STARD4: variants seen among roughly 807,000 people sequenced by gnomAD.
STARD4 encodes stAR-related lipid transfer protein 4.
A neutral mutation model predicts 24.9 loss-of-function variants in STARD4; 33 were observed. The ratio of observed to expected loss-of-function variants is 1.32; its 90% confidence interval spans 1.00 to 1.77. The LOEUF is 1.77. Ranked by LOEUF, STARD4 falls within the 40% of genes most tolerant of loss-of-function variation. The pLI is 0.00. For missense variants in STARD4, 238 were observed against 249.3 expected (o/e 0.95, Z 0.31); for synonymous variants, 88 against 77.4 (o/e 1.14, Z -0.72).
chr5:111,510,251 T>C (rs1454472869), intron 1 of STARD4, among the ~76,000 whole-genome samples: 1 of 152,202 alleles, frequency 6.6e-6, no homozygotes, highest in East Asian at 1.9e-4. Context: ...TTTCTCAAAA[T>C]ATTAATATAT....
intron 3 of STARD4, among the ~76,000 whole-genome samples, chr5:111,503,474 C>G (rs559166085): frequency 2.0e-5 from 3 of 152,076 alleles, no homozygotes; most frequent in South Asian, 4.2e-4. Context: ...ACTAAAAATA[C>G]AAAAATTAGC....
chr5:111,500,166 T>C (rs1756328476), intron 5 of STARD4, 60 bp from the exon 6 acceptor site: 2 of 1,450,730 alleles, frequency 1.4e-6, no homozygotes, highest in Admixed American at 5.0e-5. Flanking sequence ...AAACTCTCAT[T>C]TTAAAATATT....
In STARD4 at chr5:111,498,180, A is replaced by G. The variant is rs1017510217; in HGVS notation, c.*1706T>C. On this transcript the variant is annotated 3_prime_UTR_variant, in exon 6 of 6. Transcript: ENST00000296632. Reference sequence around the variant, plus strand: ...CTGCACATACATTTTAGGTGATTCAAACATAATTTTTAAATTCATCATTCT... The same window carrying G: ...CTGCACATACATTTTAGGTGATTCAGACATAATTTTTAAATTCATCATTCT... The G allele has an allele frequency of 2.6e-5, 4 of 152,014 alleles. No homozygotes were observed. Among genetic ancestry groups the G allele is most frequent in the Admixed American group, 1.3e-4 (2 of 15,234 alleles). 9.4% of individuals were successfully genotyped at this position (152,014 alleles called of 1,614,324 possible). A position where few individuals can be genotyped will look rare whatever the true frequency, so the allele number is the denominator to read the frequency against.
Position 111,507,422 on chromosome 5 carries a change from C to A in STARD4, c.12G>T (p.Leu4=), listed in dbSNP as rs1756946617. The change falls in exon 2 of 6, where the codon CTG becomes CTT. Residue 4 remains leucine (L), a synonymous_variant. Transcript: ENST00000296632. This position sits in a 1 kb window ranked among gnomAD's most constrained non-coding sequence, Gnocchi z 4.4. MEG[L]SDVASFATKL... ...TAGTTGCAAAAGAAGCAACATCAGA[C>A]AGGCCTTCCATTACTTCTCTCTGTT... 1.2e-6 allele frequency: 2 copies of A among 1,613,272 alleles called. No homozygotes were observed. The highest frequency in any genetic ancestry group is 2.7e-5 in the African/African-American group (2 of 74,908).
intron 1 of STARD4, among the ~76,000 whole-genome samples, chr5:111,509,861 T>C (rs1757120358): frequency 6.6e-6 from 1 of 152,174 alleles, no homozygotes; most frequent in Non-Finnish European, 1.5e-5. Context: ...AAACACCATT[T>C]CTCAAGAAGG....
chr5:111,507,016 C>G lies in STARD4; in HGVS notation c.105+313G>C, dbSNP rs1158610164. Among the ~76,000 whole-genome samples, 2 of 152,124 alleles carry G rather than the reference C, an allele frequency of 1.3e-5. No homozygotes were observed. Among genetic ancestry groups the G allele is most frequent in the African/African-American group, 4.8e-5 (2 of 41,430 alleles). ...TGAAACTATTCCAAACTCTCAAGTA[C>G]TACACTTTCTTAAATTAATAATGAT... is the stretch of plus-strand genomic sequence containing the variant. On this transcript the variant is annotated intron_variant, in intron 2 of 5. Coordinates refer to ENST00000296632, the MANE Select transcript of STARD4 (RefSeq NM_139164.3). The surrounding 1 kb of genome is among the most constrained non-coding windows in gnomAD (Gnocchi z 4.4).
chr5:111,508,933 T>G (rs1757052497), intron 1 of STARD4, among the ~76,000 whole-genome samples: 1 of 152,164 alleles, frequency 6.6e-6, no homozygotes, highest in Admixed American at 6.5e-5. Flanking sequence ...ACTAAAATTA[T>G]GTAGAAACAT....
intron 3 of STARD4, among the ~76,000 whole-genome samples, chr5:111,503,114 G>A (rs1023716897): frequency 6.6e-6 from 1 of 152,080 alleles, no homozygotes; most frequent in Non-Finnish European, 1.5e-5. Context: ...ATTAGGAACA[G>A]AGAAATAGGC....
In STARD4 at chr5:111,507,291, A is replaced by G; in HGVS notation, c.105+38T>C. 3 of 1,535,384 alleles carry G rather than the reference A, an allele frequency of 2.0e-6. No individual in the cohort carries two copies. The highest frequency in any genetic ancestry group is 2.7e-6 in the Non-Finnish European group (3 of 1,116,202). On this transcript the variant is annotated intron_variant, in intron 2 of 5. Coordinates refer to ENST00000296632, the MANE Select transcript of STARD4 (RefSeq NM_139164.3). The surrounding 1 kb of genome is among the most constrained non-coding windows in gnomAD (Gnocchi z 4.4). Reference sequence around the variant, plus strand: ...AGTCATCAACCAATTCATTAGATAGAAGATATACCCCAAATATAAGTAATT... The same window carrying G: ...AGTCATCAACCAATTCATTAGATAGGAGATATACCCCAAATATAAGTAATT...
chr5:111,500,456 A>G, intron 5 of STARD4: 2 of 1,057,832 alleles, frequency 1.9e-6, no homozygotes, highest in Non-Finnish European at 2.3e-6. Context: ...CTACCATATT[A>G]TAGTTTGGTA....
In STARD4 at chr5:111,496,213, C is replaced by A. The variant is rs1226224423; in HGVS notation, c.*3673G>T. ...CTATACTATAGCTTTTATTGAACTG[C>A]AAGAGATGAATTTTAATATTTAACT... On this transcript the variant is annotated 3_prime_UTR_variant, in exon 6 of 6. Coordinates refer to ENST00000296632, the MANE Select transcript of STARD4 (RefSeq NM_139164.3). 6.6e-6 allele frequency: 1 copy of A among 151,884 alleles called. No individual in the cohort carries two copies. The highest frequency in any genetic ancestry group is 1.5e-5 in the Non-Finnish European group (1 of 67,934). 9.4% of individuals were successfully genotyped at this position (151,884 alleles called of 1,614,324 possible).
rs1467637868 is a variant in STARD4 at position 111,499,804 on chromosome 5, A to C, written c.*82T>G. 1 of 1,314,320 alleles carries C rather than the reference A, an allele frequency of 7.6e-7. No homozygotes were observed. The highest frequency in any genetic ancestry group is 1.5e-5 in the African/African-American group (1 of 68,146). 81.4% of individuals were successfully genotyped at this position (1,314,320 alleles called of 1,614,324 possible). On this transcript the variant is annotated 3_prime_UTR_variant, in exon 6 of 6. Coordinates refer to ENST00000296632, the MANE Select transcript of STARD4 (RefSeq NM_139164.3). ...CAAATTTTTCTACCGGCTATGCAGA[A>C]AAGTGGAATCAATGATTTTTACAGG...
At chr5:111,512,296 A>G (rs1352894679) in intron 1 of STARD4, 89 bp downstream of exon 1, 4 of 152,430 alleles carry the variant, frequency 2.6e-5, no homozygotes, top group Admixed American at 2.6e-4. Flanking sequence ...GCAGGTCCAG[A>G]AGACGCACCT....
chr5:111,507,355 C>A lies in STARD4; in HGVS notation c.79G>T (p.Asp27Tyr). Residue 27 changes from aspartate to tyrosine, a missense_variant, in exon 2 of 6, where the codon GAT (aspartate) becomes TAT (tyrosine). By Grantham distance (160) the Asp-to-Tyr change is radical. Coordinates refer to ENST00000296632, the MANE Select transcript of STARD4 (RefSeq NM_139164.3). This position sits in a 1 kb window ranked among gnomAD's most constrained non-coding sequence, Gnocchi z 4.4. The part of the protein sequence containing the change: ...TLIQYHSIEE[D>Y]KWRVAKKTKD... ...GTTTTCTTAGCAACTCGCCACTTAT[C>A]TTCTTCAATGCTATGGTACTGGATG... The A allele has an allele frequency of 1.2e-6, 2 of 1,613,050 alleles. No individual in the cohort carries two copies. Among genetic ancestry groups the A allele is most frequent in the African/African-American group, 1.3e-5 (1 of 74,982 alleles).
chr5:111,505,701 C>T (rs905612407), intron 3 of STARD4, among the ~76,000 whole-genome samples: 1 of 152,064 alleles, frequency 6.6e-6, no homozygotes, highest in Admixed American at 6.5e-5. Flanking sequence ...ATAAATTCTT[C>T]AAGATAAGTT....
In STARD4 at chr5:111,501,060, T is replaced by G. The variant is rs527888303; in HGVS notation, c.339A>C (p.Pro113=). Residue 113 remains proline, a synonymous_variant, in exon 5 of 6, where the codon CCA becomes CCC. Transcript: ENST00000296632. ...TAGQLWNIIS[P]REFVDFSYTV... The stretch of plus-strand genomic sequence containing the variant: ...TATAGGAGAAATCAACAAATTCTCT[T>G]GGGGAAATTATATTCCAAAGCTGAC... 7 of 1,612,636 alleles carry G rather than the reference T, an allele frequency of 4.3e-6. No homozygotes were observed. The East Asian group carries it at 6.7e-5, about 15-fold the overall frequency.
Position 111,497,013 on chromosome 5 carries a change from G to C in STARD4, c.*2873C>G, listed in dbSNP as rs1352383462. 2 of 151,702 alleles carry C rather than the reference G, an allele frequency of 1.3e-5. No individual in the cohort carries two copies. The highest frequency in any genetic ancestry group is 4.8e-5 in the African/African-American group (2 of 41,312). 9.4% of individuals were successfully genotyped at this position (151,702 alleles called of 1,614,324 possible). ...ACACAAACTAATATTTCATGCAAAA[G>C]TATCACTTTTATAATAATCTTTTTC... On this transcript the variant is annotated 3_prime_UTR_variant, in exon 6 of 6. Coordinates refer to ENST00000296632, the MANE Select transcript of STARD4 (RefSeq NM_139164.3).
rs1332608011 is a variant in STARD4 at position 111,506,414 on chromosome 5, C to T, written c.106-35G>A. 6.4e-6 allele frequency: 7 copies of T among 1,088,412 alleles called. No homozygotes were observed. The East Asian group carries it at 7.5e-5, about 12-fold the overall frequency. The allele number at this position is 1,088,412 out of a possible 1,614,324, so 67.4% of individuals were successfully genotyped here. On this transcript the variant is annotated intron_variant, in intron 2 of 5. Coordinates refer to ENST00000296632, the MANE Select transcript of STARD4 (RefSeq NM_139164.3). Reference sequence around the variant, plus strand: ...TAAAAACATTATATGGTAATAATTGCATAGGTGGAACCCTAGACACAAAAC... The same window carrying T: ...TAAAAACATTATATGGTAATAATTGTATAGGTGGAACCCTAGACACAAAAC...
At chr5:111,500,175 T>C in intron 5 of STARD4, 69 bp from the exon 6 acceptor site, 2 of 1,427,902 alleles carry the variant, frequency 1.4e-6, no homozygotes, top group South Asian at 1.6e-5. Context: ...TTTTAAAATA[T>C]TACCAGAATT....
Sources: gnomAD v4.1 joint callset for allele counts (sites outside exome capture counted in the v4.1 genomes callset) on GRCh38, gnomAD v4.1.1 for gene constraint, Gnocchi (gnomAD v3.1) non-coding constraint, MANE v1.5 for transcripts, NCBI Gene and HGNC (gene_info 2026-07-23, HGNC 2026-07-21) for gene names.